Variants in SUGCT observed in about 807,000 individuals in gnomAD.
SUGCT encodes the protein succinyl-CoA:glutarate-CoA transferase.
A neutral mutation model predicts 55.0 loss-of-function variants in SUGCT; 41 were observed. The observed-to-expected ratio is 0.74, with a 90% CI of 0.58 to 0.97. SUGCT has a LOEUF of 0.97. SUGCT is among the 50% of genes least tolerant of loss of function. SUGCT has a pLI of 0.00. For missense variants in SUGCT, 568 were observed against 547.8 expected, an observed-to-expected ratio of 1.04 and a Z score of -0.37; for synonymous variants, 187 against 200.4, an observed-to-expected ratio of 0.93 and a Z score of 0.56.
At chr7:40,551,601 T>A (rs1468016840) in intron 12 of SUGCT, among the ~76,000 whole-genome samples, 12 of 152,152 alleles carry the variant, frequency 7.9e-5, no homozygotes, top group Admixed American at 5.2e-4. Context: ...TCACTCCACA[T>A]ACACCCATGG....
At chr7:40,196,457 TGATA>T (rs1243216268) in intron 6 of SUGCT, among the ~76,000 whole-genome samples, 8 of 152,156 alleles carry the variant, frequency 5.3e-5, no homozygotes, top group Admixed American at 6.5e-5. Flanking sequence ...TAGGTTAGGG[TGATA>T]GATAGTAAAT....
intron 12 of SUGCT, among the ~76,000 whole-genome samples, chr7:40,673,306 T>C (rs1328796165): frequency 6.6e-6 from 1 of 152,218 alleles, no homozygotes; most frequent in Non-Finnish European, 1.5e-5. Flanking sequence ...TGTAGAGTGA[T>C]GTGTCTGTTA....
intron 13 of SUGCT, among the ~76,000 whole-genome samples, chr7:40,818,381 T>C (rs1435476459): frequency 6.6e-6 from 1 of 152,240 alleles, no homozygotes; most frequent in Non-Finnish European, 1.5e-5. Flanking sequence ...TTGGTAGCTA[T>C]TGAATCACTT....
At chr7:40,709,576 C>A (rs1210265826) in intron 12 of SUGCT, among the ~76,000 whole-genome samples, 1 of 152,288 alleles carries the variant, frequency 6.6e-6, no homozygotes, top group East Asian at 1.9e-4. Context: ...GCTTCCCAGG[C>A]ATCTCTCCTT....
chr7:40,655,681 A>G (rs1234941286), intron 12 of SUGCT, among the ~76,000 whole-genome samples: 1 of 152,170 alleles, frequency 6.6e-6, no homozygotes, highest in East Asian at 1.9e-4. Context: ...TATTTTTGGC[A>G]AGGTCAGGGG....
intron 7 of SUGCT, among the ~76,000 whole-genome samples, chr7:40,267,989 A>T (rs2150981050): frequency 1.3e-5 from 2 of 152,230 alleles, no homozygotes; most frequent in Middle Eastern, 3.4e-3. Flanking sequence ...AACTTCTAGA[A>T]TTTTTACTAA....
chr7:40,650,869 C>T lies in SUGCT; in HGVS notation c.1090-98565C>T, dbSNP rs117980314. Among the ~76,000 whole-genome samples, 122 of 152,236 alleles carry T rather than the reference C, an allele frequency of 8.0e-4. 3 individuals carry two copies. The East Asian group carries it at 0.018, about 22-fold the overall frequency. ...TATTTTTCCTAATGTTGTCCCTCCT[C>T]CCACCCTAACCCTCAATAGGCAGCA... On this transcript the variant is annotated intron_variant, in intron 12 of 13. Transcript: ENST00000335693.
chr7:40,291,685 T>C (rs1267953300), intron 8 of SUGCT, among the ~76,000 whole-genome samples: 1 of 151,284 alleles, frequency 6.6e-6, no homozygotes, highest in Non-Finnish European at 1.5e-5. Context: ...ATATATATAG[T>C]AATAAAAGTT....
chr7:40,391,781 T>C (rs1200033754), intron 9 of SUGCT, among the ~76,000 whole-genome samples: 3 of 152,192 alleles, frequency 2.0e-5, no homozygotes, highest in Non-Finnish European at 4.4e-5. Context: ...ATCCCATTAC[T>C]GGTCATATAC....
Position 40,800,611 on chromosome 7 carries a change from TTTGTTA to T in SUGCT, c.1153+51117_1153+51122del, listed in dbSNP as rs1584460761. 2.0e-5 allele frequency among the ~76,000 whole-genome samples: 3 copies of T among 152,198 alleles called. No homozygotes were observed. In the East Asian group the frequency reaches 5.8e-4, roughly 29 times the overall value. On this transcript the variant is annotated intron_variant, in intron 13 of 13. Transcript: ENST00000335693. The stretch of plus-strand genomic sequence containing the variant: ...CTGGCCCTCATGGCCTTTTAAGGTC[TTTGTTA>T]TTCATTCTGGATACCACAGAAAGAA...
chr7:40,717,455 T>C (rs906837890), intron 12 of SUGCT, among the ~76,000 whole-genome samples: 1 of 152,162 alleles, frequency 6.6e-6, no homozygotes, highest in Admixed American at 6.5e-5. Context: ...CCCCACCCAT[T>C]TCCCCCAGGG....
chr7:40,423,462 CTT>C (rs1185472115), intron 9 of SUGCT, among the ~76,000 whole-genome samples: 2 of 152,074 alleles, frequency 1.3e-5, no homozygotes, highest in Non-Finnish European at 2.9e-5. Context: ...TATTATATAA[CTT>C]TGCTTTACAG....
At chr7:40,210,328 G>A (rs1787260772) in intron 6 of SUGCT, among the ~76,000 whole-genome samples, 1 of 152,060 alleles carries the variant, frequency 6.6e-6, no homozygotes, top group Non-Finnish European at 1.5e-5. Context: ...TTACAGATGT[G>A]AGCCACCACG....
chr7:40,251,027 C>A (rs1790355507), intron 7 of SUGCT, among the ~76,000 whole-genome samples: 1 of 151,872 alleles, frequency 6.6e-6, no homozygotes. Context: ...ACGGGGGTTT[C>A]ACCATCTTGA....
At chr7:40,682,354 C>T (rs1784290103) in intron 12 of SUGCT, among the ~76,000 whole-genome samples, 1 of 152,212 alleles carries the variant, frequency 6.6e-6, no homozygotes, top group Non-Finnish European at 1.5e-5. Flanking sequence ...CTCTGAGCTG[C>T]TCAAGCAAAT....
In SUGCT at chr7:40,509,927, C is replaced by T. The variant is rs527816618; in HGVS notation, c.1089+13541C>T. On this transcript the variant is annotated intron_variant, in intron 12 of 13. Transcript: ENST00000335693. ...CATTGTACCCGCAACCTGAATGTTC[C>T]AACTTTAAAGCAACATTTTCTTACT... 3.3e-5 allele frequency among the ~76,000 whole-genome samples: 5 copies of T among 152,230 alleles called. No individual in the cohort carries two copies. In the South Asian group the frequency reaches 1.0e-3, roughly 32 times the overall value.
intron 9 of SUGCT, among the ~76,000 whole-genome samples, chr7:40,382,972 G>C (rs1784943664): frequency 6.6e-6 from 1 of 152,136 alleles, no homozygotes; most frequent in Non-Finnish European, 1.5e-5. Flanking sequence ...GAATGTACAA[G>C]AAGAAGCTTG....
chr7:40,565,982 C>T (rs191243411), intron 12 of SUGCT, among the ~76,000 whole-genome samples: 1 of 107,146 alleles, frequency 9.3e-6, no homozygotes, highest in East Asian at 2.4e-4. Flanking sequence ...CACACACACA[C>T]ACACACACAC....
At chr7:40,905,268 A>G in the SUGCT span, among the ~76,000 whole-genome samples, 4 of 152,196 alleles carry the variant, frequency 2.6e-5, no homozygotes, top group Non-Finnish European at 5.9e-5. Flanking sequence ...GACGATTCTG[A>G]ACAATATGTG....
Sources: gnomAD v4.1 joint callset for allele counts (sites outside exome capture counted in the v4.1 genomes callset) on GRCh38, gnomAD v4.1.1 for gene constraint, MANE v1.5 for transcripts, NCBI Gene and HGNC (gene_info 2026-07-23, HGNC 2026-07-21) for gene names.